HELZ: variants seen among roughly 807,000 people sequenced by gnomAD.
HELZ encodes the protein helicase with zinc finger.
In HELZ, 23 loss-of-function variants were observed where a neutral mutation model predicts 218.2. The ratio of observed to expected loss-of-function variants is 0.11; its 90% CI spans 0.08 to 0.15. HELZ has a LOEUF of 0.15. Among genes scored for constraint, HELZ ranks in the 10% least tolerant of loss-of-function variants. The pLI is 1.00. For missense variants in HELZ, 1,813 were observed against 2,353.7 expected (o/e 0.77, Z 4.75); for synonymous variants, 814 against 829.4 (o/e 0.98, Z 0.32).
chr17:67,209,320 G>A (rs1201992262), intron 5 of HELZ, among the ~76,000 whole-genome samples: 3 of 152,248 alleles, frequency 2.0e-5, no homozygotes, highest in Middle Eastern at 3.4e-3. Context: ...GAAGTAGGCC[G>A]GACGCGGTGG....
chr17:67,200,278 C>T (rs1361270857), intron 7 of HELZ, among the ~76,000 whole-genome samples: 1 of 152,146 alleles, frequency 6.6e-6, no homozygotes, highest in Non-Finnish European at 1.5e-5. Flanking sequence ...AACCTCAGGG[C>T]CTTTTACATG....
Position 67,108,436 on chromosome 17 carries a change from A to C in HELZ, c.4724+56T>G. The C allele has an allele frequency of 7.3e-7, 1 of 1,362,680 alleles. No homozygotes were observed. Among genetic ancestry groups the C allele is most frequent in the Non-Finnish European group, 1.0e-6 (1 of 959,276 alleles). 84.4% of individuals were successfully genotyped at this position (1,362,680 alleles called of 1,614,324 possible). ...TGAAGCTAAAAGGACTACAGTCAAA[A>C]AAGAGAACAGTGAGGGGGTCGCATT... is the stretch of plus-strand genomic sequence containing the variant. On this transcript the variant is annotated intron_variant, in intron 30 of 32. Transcript: ENST00000358691. This position sits in a 1 kb window ranked among gnomAD's most constrained non-coding sequence, Gnocchi z 4.1.
intron 21 of HELZ, 87 bp from the exon 22 acceptor site, chr17:67,138,201 G>T: frequency 9.0e-7 from 1 of 1,106,510 alleles, no homozygotes; most frequent in Non-Finnish European, 1.2e-6. Flanking sequence ...ATTTATAAAG[G>T]ATCCCATTTT....
intron 21 of HELZ, among the ~76,000 whole-genome samples, chr17:67,141,373 A>G (rs2038317989): frequency 6.6e-6 from 1 of 152,056 alleles, no homozygotes; most frequent in East Asian, 1.9e-4. Context: ...AGGTTAATAC[A>G]GCAAACTCCA....
chr17:67,208,736 G>A (rs2040369876), intron 5 of HELZ, among the ~76,000 whole-genome samples: 1 of 151,774 alleles, frequency 6.6e-6, no homozygotes, highest in South Asian at 2.1e-4. Flanking sequence ...GGGCAACATG[G>A]CAAGACACCA....
intron 12 of HELZ, among the ~76,000 whole-genome samples, chr17:67,185,474 G>A (rs1406720586): frequency 1.3e-5 from 2 of 152,126 alleles, no homozygotes; most frequent in East Asian, 3.9e-4. Context: ...AAAATGGTAA[G>A]ATATTCAATG....
rs1429384241 is a variant in HELZ, at chr17:67,108,499, A to T, written c.4717T>A (p.Tyr1573Asn). 6.2e-7 allele frequency: 1 copy of T among 1,613,114 alleles called. No homozygotes were observed. The highest frequency in any genetic ancestry group is 1.7e-5 in the Admixed American group (1 of 60,026). ...TTCAGTCCGCTGGAATACCTTGAGTATGTGGTCTCCACTTCATCTTCGGCA... is the reference window on the plus strand; with the variant it reads ...TTCAGTCCGCTGGAATACCTTGAGTTTGTGGTCTCCACTTCATCTTCGGCA... ...SSAEDEVETTYSRFQDLIREL... is the reference protein window; with the variant it reads ...SSAEDEVETTNSRFQDLIREL... Residue 1573 changes from tyrosine to asparagine, a missense_variant, in exon 30 of 33, where the codon TAC becomes AAC. Coordinates refer to ENST00000358691, the MANE Select transcript of HELZ (RefSeq NM_014877.4). This position sits in a 1 kb window ranked among gnomAD's most constrained non-coding sequence, Gnocchi z 4.1.
At chr17:67,187,111 A>G (rs2039777696) in intron 12 of HELZ, among the ~76,000 whole-genome samples, 1 of 152,194 alleles carries the variant, frequency 6.6e-6, no homozygotes, top group Admixed American at 6.5e-5. Context: ...CCTCTGCAGA[A>G]AGAATTTGCC....
At chr17:67,111,057 A>G (rs887874141) in intron 28 of HELZ, among the ~76,000 whole-genome samples, 1 of 152,242 alleles carries the variant, frequency 6.6e-6, no homozygotes, top group African/African-American at 2.4e-5. Flanking sequence ...AAGGTTGAAG[A>G]AAGGAAAAGT....
Position 67,203,443 on chromosome 17 carries a change from A to G in HELZ, c.248T>C (p.Val83Ala). 1 of 1,613,454 alleles carries G rather than the reference A, an allele frequency of 6.2e-7. No individual in the cohort carries two copies. Among genetic ancestry groups the G allele is most frequent in the Non-Finnish European group, 8.5e-7 (1 of 1,179,718 alleles). The change falls in exon 6 of 33, where the codon GTG (valine) becomes GCG (alanine). Residue 83 changes from valine to alanine, a missense_variant and splice_region_variant. By Grantham distance (64) the Val-to-Ala change is moderately conservative. This residue lies in a region of HELZ where 714 missense variants were observed against 1,029.2 expected (regional missense o/e 0.69). Transcript: ENST00000358691. Reference sequence around the variant, plus strand: ...TCCCTTGGCCAGTCCTTCTCCCAGCACTGCCATGAAAGAACAGCCATCATT... The same window carrying G: ...TCCCTTGGCCAGTCCTTCTCCCAGCGCTGCCATGAAAGAACAGCCATCATT... ...YVQADEDCRH[V>A]LGEGLAKGED...
chr17:67,189,809 A>C (rs1419978471), intron 10 of HELZ, 113 bp from the exon 11 acceptor site: 1 of 703,294 alleles, frequency 1.4e-6, no homozygotes, highest in African/African-American at 1.8e-5. Flanking sequence ...CTGTTTACAG[A>C]CCAAAGTATT....
intron 12 of HELZ, among the ~76,000 whole-genome samples, chr17:67,183,930 A>C (rs1442940922): frequency 6.6e-6 from 1 of 152,090 alleles, no homozygotes; most frequent in African/African-American, 2.4e-5. Context: ...TGCCAAAATG[A>C]CTAGAGAAAA....
In HELZ at chr17:67,078,524, T is replaced by C. The variant is rs766745743; in HGVS notation, c.5557A>G (p.Ser1853Gly). Residue 1853 changes from serine to glycine, a missense_variant, in exon 33 of 33, where the codon AGT (serine) becomes GGT (glycine). By Grantham distance (56) the Ser-to-Gly change is moderately conservative. Transcript: ENST00000358691. ...TGCAGCACACTGTAGTTGAAGGAACTGGACACCTCGAGGTTCTCCGACTTC... is the reference window on the plus strand; with the variant it reads ...TGCAGCACACTGTAGTTGAAGGAACCGGACACCTCGAGGTTCTCCGACTTC... ...QLKSENLEVS[S>G]SFNYSVLQHL... 51 of 1,517,432 alleles carry C rather than the reference T, an allele frequency of 3.4e-5. No individual in the cohort carries two copies. The highest frequency in any genetic ancestry group is 3.5e-4 in the Middle Eastern group (2 of 5,640). The allele number at this position is 1,517,432 out of a possible 1,614,324, so 94.0% of individuals were successfully genotyped here.
chr17:67,155,345 G>A (rs2038807757), intron 17 of HELZ, among the ~76,000 whole-genome samples: 1 of 152,174 alleles, frequency 6.6e-6, no homozygotes, highest in Admixed American at 6.6e-5. Context: ...GAAAAAAACA[G>A]CACTGACAAA....
chr17:67,181,196 A>T (rs2039602162), intron 12 of HELZ, among the ~76,000 whole-genome samples: 1 of 152,232 alleles, frequency 6.6e-6, no homozygotes, highest in Non-Finnish European at 1.5e-5. Flanking sequence ...ACTTTAAAAA[A>T]ATTAATTCAG....
In HELZ at chr17:67,113,236, G is replaced by T. The variant is rs574019391; in HGVS notation, c.3918+1088C>A. ...AAGATAAATGAGGAGAAGGGACAAGGTCTATGTGGTAGTTGAAGAGGAGAG... is the reference window on the plus strand; with the variant it reads ...AAGATAAATGAGGAGAAGGGACAAGTTCTATGTGGTAGTTGAAGAGGAGAG... On this transcript the variant is annotated intron_variant, in intron 28 of 32. Transcript: ENST00000358691. 2.6e-5 allele frequency among the ~76,000 whole-genome samples: 4 copies of T among 152,134 alleles called. No individual in the cohort carries two copies. In the East Asian group the frequency reaches 7.7e-4, roughly 29 times the overall value.
At chr17:67,211,602 T>C (rs1182311363) in intron 5 of HELZ, among the ~76,000 whole-genome samples, 1 of 152,212 alleles carries the variant, frequency 6.6e-6, no homozygotes, top group East Asian at 1.9e-4. Context: ...GGTTCACGCC[T>C]ATAATCCCAG....
chr17:67,190,158 A>G lies in HELZ; in HGVS notation c.755T>C (p.Val252Ala), dbSNP rs1156548652. Residue 252 changes from valine (V) to alanine (A), a missense_variant and splice_region_variant, in exon 10 of 33, where the codon GTG (valine) becomes GCG (alanine). By Grantham distance (64) the Val-to-Ala change is moderately conservative (BLOSUM62 0). Around this residue, in one of 4 missense-constraint regions of HELZ, gnomAD observed 714 missense variants for 1,029.2 expected, o/e 0.69. Transcript: ENST00000358691. ...AATAATGTAGCTTATTTTCCTCACC[A>G]CTTTCTCAGGAGACAATGAATTCAT... The part of the protein sequence containing the change: ...KWMNSLSPEK[V>A]LSECIEGVKV... 1 of 1,612,282 alleles carries G rather than the reference A, an allele frequency of 6.2e-7. No individual in the cohort carries two copies. Among genetic ancestry groups the G allele is most frequent in the African/African-American group, 1.3e-5 (1 of 74,992 alleles).
chr17:67,166,888 A>C (rs2039162251), intron 14 of HELZ, among the ~76,000 whole-genome samples: 1 of 152,204 alleles, frequency 6.6e-6, no homozygotes, highest in East Asian at 1.9e-4. Flanking sequence ...AGAAATTGAC[A>C]TATTTGTAAG....
Sources: gnomAD v4.1 joint callset for allele counts (sites outside exome capture counted in the v4.1 genomes callset) on GRCh38, gnomAD v4.1.1 for gene constraint, gnomAD v4.1.1 regional missense constraint, Gnocchi (gnomAD v3.1) non-coding constraint, MANE v1.5 for transcripts, NCBI Gene and HGNC (gene_info 2026-07-23, HGNC 2026-07-21) for gene names.